Variants in BTD observed in about 807,000 individuals in gnomAD.
BTD encodes the protein biotinidase.
A neutral mutation model predicts 17.7 loss-of-function variants in BTD; 13 were observed. The ratio of observed to expected loss-of-function variants is 0.74; its 90% CI spans 0.48 to 1.17. The LOEUF is 1.17. Ranked by LOEUF, BTD falls within the 50% of genes most tolerant of loss-of-function variation. The pLI is 0.00. For missense variants in BTD, 674 were observed against 650.4 expected (o/e 1.04, Z -0.39); for synonymous variants, 240 against 245.2 (o/e 0.98, Z 0.20).
chr3:15,634,813 T>C (rs2079234354), intron 1 of BTD, among the ~76,000 whole-genome samples: 1 of 152,238 alleles, frequency 6.6e-6, no homozygotes. Flanking sequence ...AAAGTAGCTA[T>C]TGGCATTTAT....
chr3:15,692,282 C>G (rs955193720), intron 3 of BTD, among the ~76,000 whole-genome samples: 1 of 151,760 alleles, frequency 6.6e-6, no homozygotes, highest in Non-Finnish European at 1.5e-5. Flanking sequence ...GACCTTGTCT[C>G]TACAAAAAAA....
chr3:15,690,072 G>A, intron 3 of BTD: 4 of 1,612,180 alleles, frequency 2.5e-6, no homozygotes, highest in Non-Finnish European at 3.4e-6. Context: ...TAAGATTGAG[G>A]CTCCCTGATT....
intron 3 of BTD, chr3:15,670,206 T>G: frequency 6.5e-7 from 1 of 1,532,724 alleles, no homozygotes; most frequent in East Asian, 2.3e-5. Flanking sequence ...AATATCAAAG[T>G]GCCTTTTTCC....
chr3:15,673,721 T>C (rs917431467), intron 3 of BTD, among the ~76,000 whole-genome samples: 5 of 152,038 alleles, frequency 3.3e-5, no homozygotes, highest in South Asian at 2.1e-4. Context: ...CATGGGATGT[T>C]TGGGGACAGA....
chr3:15,674,196 A>AAAAAAG lies in BTD; in HGVS notation c.399+32141_399+32142insAAAGAA, dbSNP rs1470515364. On this transcript the variant is annotated intron_variant, in intron 3 of 3. Transcript: ENST00000672141. Reference sequence around the variant, plus strand: ...CTTCAAAAAAAAAAAAAAAAAAAAAAAAGAAGAAGAACCGAAATTCAAGAG... The same window carrying AAAAAAG: ...CTTCAAAAAAAAAAAAAAAAAAAAAAAAAAAGAAGAAGAAGAACCGAAATTCAAGAG... Among the ~76,000 whole-genome samples, 171 of 130,100 alleles carry AAAAAAG rather than the reference A, an allele frequency of 1.3e-3. 1 individual carries two copies. The highest frequency in any genetic ancestry group is 4.7e-3 in the African/African-American group (144 of 30,700). The allele number at this position is 130,100 out of a possible 152,430, so 85.4% of individuals were successfully genotyped here.
rs145579799 is a variant in BTD at position 15,708,071 on chromosome 3, G to C, written c.400-1989G>C. Reference sequence around the variant, plus strand: ...AGCGTAGTGCAGTGGAGATCTTTTGGGTCCAAGTTAATACAAGAAAGATAA... The same window carrying C: ...AGCGTAGTGCAGTGGAGATCTTTTGCGTCCAAGTTAATACAAGAAAGATAA... On this transcript the variant is annotated intron_variant, in intron 3 of 3. Coordinates refer to the BTD transcript ENST00000672141. The C allele has an allele frequency of 3.8e-6, 6 of 1,595,926 alleles. No individual in the cohort carries two copies. The East Asian group carries it at 1.4e-4, about 36-fold the overall frequency.
chr3:15,613,470 C>T (rs2064695114), intron 1 of BTD, among the ~76,000 whole-genome samples: 1 of 152,060 alleles, frequency 6.6e-6, no homozygotes, highest in Non-Finnish European at 1.5e-5. Context: ...TCATCTGTCT[C>T]CCAGCTTTCT....
chr3:15,719,699 C>G (rs556474331), intron 4 of BTD, among the ~76,000 whole-genome samples: 7 of 151,872 alleles, frequency 4.6e-5, no homozygotes, highest in Admixed American at 1.3e-4. Flanking sequence ...CTCCTGAGTA[C>G]CTAGGACTAC....
At chr3:15,680,202 G>A (rs1429533035) in intron 3 of BTD, among the ~76,000 whole-genome samples, 1 of 151,916 alleles carries the variant, frequency 6.6e-6, no homozygotes, top group Non-Finnish European at 1.5e-5. Flanking sequence ...TAGCATATAT[G>A]AAATATTATT....
intron 3 of BTD, among the ~76,000 whole-genome samples, chr3:15,643,560 T>G (rs1255299283): frequency 4.0e-5 from 6 of 151,664 alleles, no homozygotes; most frequent in Non-Finnish European, 8.8e-5. Flanking sequence ...AGGTGAGAAA[T>G]GATAGCTATT....
At chr3:15,676,966 G>T in intron 3 of BTD, 1 of 1,607,638 alleles carries the variant, frequency 6.2e-7, no homozygotes, top group Non-Finnish European at 8.5e-7. Flanking sequence ...GATACTGACA[G>T]TACTCACGTT....
rs79898002 is a variant in BTD at position 15,710,340 on chromosome 3, A to G, written c.*266A>G. On this transcript the variant is annotated 3_prime_UTR_variant, in exon 4 of 4. Coordinates refer to the BTD transcript ENST00000672141. ...CTCAACATCAAATTACTATGTTACA[A>G]TGAAAACTGTAACTGTCAAGTGATC... Among the ~76,000 whole-genome samples the G allele has an allele frequency of 7.1e-3, 1,074 of 152,326 alleles. 8 individuals carry two copies. Among genetic ancestry groups the G allele is most frequent in the Non-Finnish European group, 0.012 (808 of 68,020 alleles).
At chr3:15,607,352 A>C (rs2064488219) in intron 1 of BTD, among the ~76,000 whole-genome samples, 1 of 152,192 alleles carries the variant, frequency 6.6e-6, no homozygotes, top group South Asian at 2.1e-4. Flanking sequence ...CAATTACTCT[A>C]TTTGTAGGTT....
chr3:15,602,826 A>G (rs1172675282), intron 1 of BTD, among the ~76,000 whole-genome samples: 1 of 152,132 alleles, frequency 6.6e-6, no homozygotes, highest in Non-Finnish European at 1.5e-5. Flanking sequence ...GCCTCCCTGC[A>G]TATGTGGACG....
rs144470504 is a variant in BTD at position 15,700,502 on chromosome 3, G to A, written c.400-9558G>A. On this transcript the variant is annotated intron_variant, in intron 3 of 3. Transcript: ENST00000672141. Reference sequence around the variant, plus strand: ...TAAAAAACACTATATAGGGCCGGGCGCGGTGGCTCATGCCTGTAATCCCAG... The same window carrying A: ...TAAAAAACACTATATAGGGCCGGGCACGGTGGCTCATGCCTGTAATCCCAG... Among the ~76,000 whole-genome samples, 301 of 151,950 alleles carry A rather than the reference G, an allele frequency of 2.0e-3. 2 individuals carry two copies. Among genetic ancestry groups the A allele is most frequent in the African/African-American group, 7.0e-3 (289 of 41,460 alleles).
rs2067958730 is a variant in BTD, at chr3:15,685,099, G to A, written c.400-24961G>A. 4 of 877,348 alleles carry A rather than the reference G, an allele frequency of 4.6e-6. No individual in the cohort carries two copies. The East Asian group carries it at 7.5e-5, about 17-fold the overall frequency. The allele number at this position is 877,348 out of a possible 1,614,324, so 54.3% of individuals were successfully genotyped here. On this transcript the variant is annotated intron_variant, in intron 3 of 3. Transcript: ENST00000672141. ...TACGTACTAAGTATTATTAGTACGT[G>A]AGCCTATACAGTAGATTATTCCCAA...
In BTD at chr3:15,636,301, G is replaced by A. The variant is rs145602733; in HGVS notation, c.249+613G>A. Among the ~76,000 whole-genome samples, 777 of 152,276 alleles carry A rather than the reference G, an allele frequency of 5.1e-3. 7 individuals carry two copies. Among genetic ancestry groups the A allele is most frequent in the African/African-American group, 0.017 (697 of 41,556 alleles). On this transcript the variant is annotated intron_variant, in intron 2 of 3. Transcript: ENST00000643237. ...GTTTCCGGTCTCTATGTCGGACTAC[G>A]ATCAGTCTGAGACCTTCGCCCAGAT...
At chr3:15,677,036 C>A (rs775161986) in intron 3 of BTD, 1 of 1,613,078 alleles carries the variant, frequency 6.2e-7, no homozygotes, top group Non-Finnish European at 8.5e-7. Context: ...CCAGTATTAA[C>A]AAGGCACTAG....
chr3:15,629,932 A>G (rs1575004894), intron 1 of BTD: 1 of 478,058 alleles, frequency 2.1e-6, no homozygotes, highest in Non-Finnish European at 2.7e-6. Context: ...AATAATAATA[A>G]TGGATATTCA....
Sources: allele counts gnomAD v4.1 joint callset (sites outside exome capture counted in the v4.1 genomes callset), GRCh38; gene constraint gnomAD v4.1.1; transcripts MANE v1.5; gene names NCBI Gene and HGNC (gene_info 2026-07-23, HGNC 2026-07-21).